Variants in CNTN3 observed in about 807,000 individuals in gnomAD.
CNTN3 encodes the protein contactin-3.
Under a neutral mutation model 119.1 loss-of-function variants are expected in CNTN3, and 60 were observed. The ratio of observed to expected loss-of-function variants is 0.50; its 90% CI spans 0.41 to 0.62. CNTN3 has a LOEUF of 0.62. CNTN3 is among the 20% of genes least tolerant of loss of function. The pLI is 0.00. For synonymous variants in CNTN3, 450 were observed against 438.7 expected, an observed-to-expected ratio of 1.03 and a Z score of -0.32; for missense variants, 1,101 against 1,242.4, an observed-to-expected ratio of 0.89 and a Z score of 1.71.
At chr3:74,547,292 C>A (rs911275422) in intron 1 of CNTN3, among the ~76,000 whole-genome samples, 1 of 152,138 alleles carries the variant, frequency 6.6e-6, no homozygotes, top group African/African-American at 2.4e-5. Flanking sequence ...TCTAACACTT[C>A]ATTTTTAATG....
rs139470091 is a variant in CNTN3, at chr3:74,336,623, G to A, written c.1400C>T (p.Ala467Val). The A allele has an allele frequency of 5.0e-5, 80 of 1,610,760 alleles. No homozygotes were observed. The African/African-American group carries it at 8.9e-4, about 18-fold the overall frequency. ...SLLNDGGLKI[A>V]NVTKADAGTY... is the part of the protein sequence containing the mutation. ...TCCAGCATCAGCTTTAGTCACATTG[G>A]CTATTTTGAGTCCTCCATCGTTTAA... is the stretch of plus-strand genomic sequence containing the variant. The change falls in exon 12 of 23, where the codon GCC becomes GTC. Residue 467 changes from alanine to valine, a missense_variant. Transcript: ENST00000263665.
chr3:74,427,343 AG>A (rs1454258497), intron 4 of CNTN3, among the ~76,000 whole-genome samples: 1 of 152,208 alleles, frequency 6.6e-6, no homozygotes, highest in African/African-American at 2.4e-5. Context: ...GACGGACAGT[AG>A]TAGTAGCAGT....
At chr3:74,331,832 A>C (rs756378730) in intron 13 of CNTN3, among the ~76,000 whole-genome samples, 2 of 151,192 alleles carry the variant, frequency 1.3e-5, no homozygotes, top group South Asian at 4.1e-4. Context: ...CCAATTGTGC[A>C]AAAATCTGTG....
chr3:74,409,031 G>A (rs1466004987), intron 5 of CNTN3, among the ~76,000 whole-genome samples: 3 of 152,140 alleles, frequency 2.0e-5, no homozygotes, highest in African/African-American at 7.2e-5. Flanking sequence ...CTTCCACGAA[G>A]AGCCTTGCAT....
chr3:74,267,220 A>G (rs775621851), intron 21 of CNTN3, 46 bp downstream of exon 21: 2 of 1,192,158 alleles, frequency 1.7e-6, no homozygotes, highest in Non-Finnish European at 1.3e-6. Context: ...CTTGAAAAGT[A>G]CTGCCAAAAT....
At chr3:74,328,173 G>A (rs530412799) in intron 13 of CNTN3, among the ~76,000 whole-genome samples, 1 of 151,870 alleles carries the variant, frequency 6.6e-6, no homozygotes, top group Non-Finnish European at 1.5e-5. Context: ...AAAATAATCT[G>A]TCTAATATTT....
At chr3:74,441,359 T>C (rs1286902241) in intron 4 of CNTN3, among the ~76,000 whole-genome samples, 1 of 152,176 alleles carries the variant, frequency 6.6e-6, no homozygotes, top group Non-Finnish European at 1.5e-5. Flanking sequence ...TGAATATGCA[T>C]TTGCCTTTGT....
intron 17 of CNTN3, among the ~76,000 whole-genome samples, chr3:74,299,197 G>C (rs1252605367): frequency 1.3e-5 from 2 of 151,802 alleles, no homozygotes; most frequent in Admixed American, 6.6e-5. Context: ...AACAGAGCAA[G>C]ACTGTCTCAA....
chr3:74,353,912 C>A (rs188107378), intron 11 of CNTN3, among the ~76,000 whole-genome samples: 1 of 152,000 alleles, frequency 6.6e-6, no homozygotes, highest in African/African-American at 2.4e-5. Flanking sequence ...AGGTCCCTCA[C>A]CCCAAAAATC....
intron 5 of CNTN3, among the ~76,000 whole-genome samples, chr3:74,401,466 A>T (rs889120121): frequency 6.6e-6 from 1 of 151,806 alleles, no homozygotes; most frequent in African/African-American, 2.4e-5. Flanking sequence ...CTCCACTCAT[A>T]TTCACTCTCT....
At chr3:74,545,184 T>C (rs915166902) in intron 1 of CNTN3, among the ~76,000 whole-genome samples, 1 of 152,160 alleles carries the variant, frequency 6.6e-6, no homozygotes, top group East Asian at 1.9e-4. Context: ...TAAACTGCAA[T>C]TAAGTATCTA....
chr3:74,383,512 G>A (rs150119190), intron 5 of CNTN3, among the ~76,000 whole-genome samples: 3 of 152,158 alleles, frequency 2.0e-5, no homozygotes, highest in East Asian at 1.9e-4. Context: ...TTGAGACAGG[G>A]TCTCACTCTG....
intron 4 of CNTN3, among the ~76,000 whole-genome samples, chr3:74,486,039 T>C (rs1335845453): frequency 2.6e-5 from 4 of 152,200 alleles, no homozygotes; most frequent in African/African-American, 9.6e-5. Flanking sequence ...GTTTGTCAGA[T>C]GGAATTTTCT....
intron 1 of CNTN3, among the ~76,000 whole-genome samples, chr3:74,585,323 G>A (rs1275332726): frequency 1.3e-5 from 2 of 152,088 alleles, no homozygotes; most frequent in Non-Finnish European, 2.9e-5. Flanking sequence ...CAAAATTGAA[G>A]TATGTAATTC....
intron 1 of CNTN3, among the ~76,000 whole-genome samples, chr3:74,597,815 A>G (rs1284210414): frequency 6.6e-6 from 1 of 152,100 alleles, no homozygotes; most frequent in Non-Finnish European, 1.5e-5. Context: ...CTAAAAATAA[A>G]TGTGGTAATG....
chr3:74,586,168 C>T (rs1338393541), intron 1 of CNTN3, among the ~76,000 whole-genome samples: 1 of 152,032 alleles, frequency 6.6e-6, no homozygotes, highest in Non-Finnish European at 1.5e-5. Flanking sequence ...GCAAGTAGCC[C>T]CAGGCAATTA....
At chr3:74,581,559 T>C (rs929321829) in intron 1 of CNTN3, among the ~76,000 whole-genome samples, 2 of 152,178 alleles carry the variant, frequency 1.3e-5, no homozygotes, top group African/African-American at 4.8e-5. Context: ...TAAATTGCCT[T>C]ATAGTTTCAA....
At chr3:74,341,734 A>T (rs1453015866) in intron 11 of CNTN3, among the ~76,000 whole-genome samples, 1 of 152,150 alleles carries the variant, frequency 6.6e-6, no homozygotes, top group Non-Finnish European at 1.5e-5. Flanking sequence ...CATAAAGTAT[A>T]CTGTTGTCTA....
intron 3 of CNTN3, among the ~76,000 whole-genome samples, chr3:74,493,251 T>C (rs1703000632): frequency 6.6e-6 from 1 of 152,156 alleles, no homozygotes; most frequent in Non-Finnish European, 1.5e-5. Context: ...AGGCTCTAAA[T>C]TGTGTCTTCC....
Sources: allele counts gnomAD v4.1 joint callset (sites outside exome capture counted in the v4.1 genomes callset), GRCh38; gene constraint gnomAD v4.1.1; transcripts MANE v1.5; gene names NCBI Gene and HGNC (gene_info 2026-07-23, HGNC 2026-07-21).